COL18A1: variants seen among roughly 807,000 people sequenced by gnomAD.
The protein encoded by COL18A1 is collagen type XVIII alpha 1 chain, also known as collagen alpha-1(XVIII) chain.
A neutral mutation model predicts 168.0 loss-of-function variants in COL18A1; 133 were observed. That is an observed-to-expected ratio of 0.79 (90% confidence interval 0.69 to 0.91). The LOEUF is 0.91. Among genes scored for constraint, COL18A1 ranks in the 40% least tolerant of loss-of-function variants. COL18A1 has a pLI of 0.00. For missense variants in COL18A1, 2,126 were observed against 1,925.4 expected, an observed-to-expected ratio of 1.10 and a Z score of -1.95; for synonymous variants, 949 against 809.0, an observed-to-expected ratio of 1.17 and a Z score of -2.94.
intron 21 of COL18A1, 86 bp downstream of exon 21, chr21:45,490,957 C>T (rs2036319621): frequency 1.5e-6 from 2 of 1,300,674 alleles, no homozygotes; most frequent in Non-Finnish European, 2.2e-6. Flanking sequence ...AGGTCCGTGC[C>T]CCTGCTGCCC....
intron 2 of COL18A1, among the ~76,000 whole-genome samples, chr21:45,406,598 A>C (rs56072431): frequency 0.45 from 67,822 of 151,988 alleles, 15,862 homozygotes; most frequent in Middle Eastern, 0.61. Context: ...CCATCCCCAC[A>C]GCGGCCCAGG....
chr21:45,479,660 G>A (rs2035823721), intron 9 of COL18A1, among the ~76,000 whole-genome samples: 1 of 152,084 alleles, frequency 6.6e-6, no homozygotes, highest in South Asian at 2.1e-4. Flanking sequence ...AGGCCTTCGG[G>A]GAACCTGCTG....
chr21:45,464,021 C>T (rs2035123745), intron 2 of COL18A1, among the ~76,000 whole-genome samples: 1 of 152,258 alleles, frequency 6.6e-6, no homozygotes, highest in Non-Finnish European at 1.5e-5. Flanking sequence ...CCTATGGGCA[C>T]TGTGGCTGGG....
rs552186477 is a variant in COL18A1, at chr21:45,477,064, G to GT, written c.929-345dup. ...GTTTTCATTTTTATTTTAAGTAAAA[G>GT]TTAAGAGGGAAAAAGGAAAAGGGAC... On this transcript the variant is annotated intron_variant, in intron 6 of 41. Coordinates refer to ENST00000651438, the MANE Select transcript of COL18A1 (RefSeq NM_001379500.1). Among the ~76,000 whole-genome samples, 551 of 152,146 alleles carry GT rather than the reference G, an allele frequency of 3.6e-3. 3 individuals are homozygous for GT. Among genetic ancestry groups the GT allele is most frequent in the Non-Finnish European group, 5.8e-3 (395 of 68,008 alleles).
At chr21:45,428,885 G>C (rs577243162) in intron 2 of COL18A1, among the ~76,000 whole-genome samples, 10 of 151,456 alleles carry the variant, frequency 6.6e-5, no homozygotes, top group African/African-American at 2.4e-4. Context: ...CGAGACTATA[G>C]CTTGCTTTCT....
chr21:45,503,916 G>GC (rs1394920512), intron 32 of COL18A1, 95 bp from the exon 33 acceptor site: 9 of 1,307,274 alleles, frequency 6.9e-6, no homozygotes, highest in African/African-American at 1.5e-5. Context: ...GGCTAGAAGG[G>GC]CCTCAGGCAA....
intron 2 of COL18A1, among the ~76,000 whole-genome samples, chr21:45,437,634 TCACACAGGCACTCTCCTGCACACA>T (rs2034195396): frequency 6.3e-5 from 1 of 15,866 alleles, no homozygotes; most frequent in Admixed American, 6.5e-4. Context: ...GCACACACAC[TCACACAGGCACTCTCCTGCACACA>T]CACACACTCA....
Position 45,504,416 on chromosome 21 carries a change from G to T in COL18A1, c.2728G>T (p.Gly910Trp), listed in dbSNP as rs767090801. 1.9e-6 allele frequency: 3 copies of T among 1,611,446 alleles called. No homozygotes were observed. Among genetic ancestry groups the T allele is most frequent in the Non-Finnish European group, 2.5e-6 (3 of 1,179,242 alleles). Residue 910 changes from glycine to tryptophan, a missense_variant and splice_region_variant, in exon 34 of 42, where the codon GGG becomes TGG. By Grantham distance (184) the Gly-to-Trp change is radical. Coordinates refer to ENST00000651438, the MANE Select transcript of COL18A1 (RefSeq NM_001379500.1). ...DFLQLEAEMK[G>W]EKGDRGDAGQ... ...GTGTAACAAGTGTTTCCGTCCACAG[G>T]GGGAGAAGGGAGACCGAGGTGATGC...
intron 26 of COL18A1, 153 bp downstream of exon 26, chr21:45,493,728 C>G (rs73907540): frequency 1.6e-6 from 1 of 636,872 alleles, no homozygotes; most frequent in Non-Finnish European, 2.7e-6. Context: ...GTGGCCCCTC[C>G]TTTCTCGCAC....
At chr21:45,427,713 T>G (rs2033846580) in intron 2 of COL18A1, among the ~76,000 whole-genome samples, 1 of 152,166 alleles carries the variant, frequency 6.6e-6, no homozygotes, top group Admixed American at 6.5e-5. Flanking sequence ...CTGGGTGCCT[T>G]TGCCAGACAA....
chr21:45,435,320 GGGA>G, intron 2 of COL18A1, among the ~76,000 whole-genome samples: 1 of 149,628 alleles, frequency 6.7e-6, no homozygotes, highest in Non-Finnish European at 1.5e-5. Flanking sequence ...GGTGGGCGGA[GGGA>G]GGAGGAGGAA....
rs2236456 is a variant in COL18A1 at position 45,473,853 on chromosome 21, A to G, written c.652-42A>G. 0.15 allele frequency: 230,190 copies of G among 1,524,998 alleles called. 22,125 individuals are homozygous for G. Among genetic ancestry groups the G allele is most frequent in the African/African-American group, 0.48 (34,549 of 72,574 alleles). 94.5% of individuals were successfully genotyped at this position (1,524,998 alleles called of 1,614,324 possible). On this transcript the variant is annotated intron_variant, in intron 3 of 41. Coordinates refer to ENST00000651438, the MANE Select transcript of COL18A1 (RefSeq NM_001379500.1). The surrounding 1 kb of genome is among the most constrained non-coding windows in gnomAD (Gnocchi z 4.0). The stretch of plus-strand genomic sequence containing the variant: ...AAGCAGCACCGGGGTTGCCACTGCC[A>G]CCTCAGGACCGCTGGTGACCCCTTT...
intron 41 of COL18A1, among the ~76,000 whole-genome samples, chr21:45,511,965 G>C (rs895698331): frequency 1.3e-5 from 2 of 152,100 alleles, no homozygotes; most frequent in Non-Finnish European, 2.9e-5. Flanking sequence ...CTCTGCCGTG[G>C]GTGTGTCTGG....
chr21:45,510,154 G>T lies in COL18A1; in HGVS notation c.3586G>T (p.Val1196Leu). The T allele has an allele frequency of 6.3e-7, 1 of 1,598,732 alleles. No homozygotes were observed. The highest frequency in any genetic ancestry group is 8.5e-7 in the Non-Finnish European group (1 of 1,173,600). The change falls in exon 40 of 42, where the codon GTG (valine) becomes TTG (leucine). Residue 1196 changes from valine to leucine, a missense_variant. Val to Leu is a conservative substitution (Grantham distance 32). Transcript: ENST00000651438. ...DFQCFQQARAVGLAGTFRAFL... is the reference protein window; with the variant it reads ...DFQCFQQARALGLAGTFRAFL... ...CCAGTGCTTCCAGCAGGCGCGGGCC[G>T]TGGGGCTGGCGGGCACCTTCCGCGC... is the stretch of plus-strand genomic sequence containing the variant.
At chr21:45,476,022 TGA>T (rs2035635925) in intron 5 of COL18A1, among the ~76,000 whole-genome samples, 1 of 152,104 alleles carries the variant, frequency 6.6e-6, no homozygotes. Flanking sequence ...GTGCTGTCCG[TGA>T]GAGACGGGTG....
At chr21:45,458,528 C>T (rs2034926643) in intron 2 of COL18A1, among the ~76,000 whole-genome samples, 1 of 152,148 alleles carries the variant, frequency 6.6e-6, no homozygotes, top group Non-Finnish European at 1.5e-5. Context: ...CTGGAACACC[C>T]AAATGCCCAG....
At chr21:45,496,420 A>G in intron 29 of COL18A1, 80 bp from the exon 30 acceptor site, 1 of 795,184 alleles carries the variant, frequency 1.3e-6, no homozygotes, top group East Asian at 2.4e-5. Context: ...GATTTTTCTG[A>G]TTTTTCTGAA....
Position 45,497,234 on chromosome 21 carries a change from C to T in COL18A1, c.2620+142C>T, listed in dbSNP as rs372339194. 2.6e-4 allele frequency: 189 copies of T among 716,918 alleles called. 3 individuals are homozygous for T. The highest frequency in any genetic ancestry group is 2.4e-3 in the South Asian group (164 of 67,836). The allele number at this position is 716,918 out of a possible 1,614,324, so 44.4% of individuals were successfully genotyped here. Reference sequence around the variant, plus strand: ...ACACGCCCAGCCCACGCCCCAGTTCCGATGACCTTGGCCCTTCCTGCGGGC... The same window carrying T: ...ACACGCCCAGCCCACGCCCCAGTTCTGATGACCTTGGCCCTTCCTGCGGGC... On this transcript the variant is annotated intron_variant, in intron 31 of 41. Coordinates refer to ENST00000651438, the MANE Select transcript of COL18A1 (RefSeq NM_001379500.1).
chr21:45,497,029 G>A lies in COL18A1; in HGVS notation c.2578-21G>A, dbSNP rs762169690. 5.7e-6 allele frequency: 9 copies of A among 1,590,598 alleles called. No homozygotes were observed. The East Asian group carries it at 6.7e-5, about 12-fold the overall frequency. ...TTTCAGAACATCGCCCTCAGCAGCCGCCTCTCCCCGTTCCTTGCAGGTGTT... is the reference window on the plus strand; with the variant it reads ...TTTCAGAACATCGCCCTCAGCAGCCACCTCTCCCCGTTCCTTGCAGGTGTT... On this transcript the variant is annotated intron_variant, in intron 30 of 41. Transcript: ENST00000651438.
Sources: allele counts gnomAD v4.1 joint callset (sites outside exome capture counted in the v4.1 genomes callset), GRCh38; gene constraint gnomAD v4.1.1; non-coding constraint Gnocchi (gnomAD v3.1); transcripts MANE v1.5; gene names NCBI Gene and HGNC (gene_info 2026-07-23, HGNC 2026-07-21).